Variants in RPLP0 observed in about 807,000 individuals in gnomAD.
RPLP0 encodes the protein ribosomal protein lateral stalk subunit P0, also known as large ribosomal subunit protein uL10.
For missense variants in RPLP0, 276 were observed against 402.9 expected (o/e 0.69, Z 2.70); for synonymous variants, 137 against 153.4 (o/e 0.89, Z 0.79).
intron 6 of RPLP0, among the ~76,000 whole-genome samples, chr12:120,197,960 A>T (rs1189524807): frequency 1.3e-5 from 2 of 151,812 alleles, no homozygotes; most frequent in Non-Finnish European, 2.9e-5. Flanking sequence ...ACAGAGTCTC[A>T]CTCTGTCACT....
chr12:120,197,495 T>C lies in RPLP0; in HGVS notation c.652-33A>G, dbSNP rs763708403. 9 of 1,604,274 alleles carry C rather than the reference T, an allele frequency of 5.6e-6. No individual in the cohort carries two copies. The Admixed American group carries it at 8.5e-5, about 15-fold the overall frequency. On this transcript the variant is annotated intron_variant, in intron 6 of 7. Coordinates refer to ENST00000392514, the MANE Select transcript of RPLP0 (RefSeq NM_001002.4). ...AGGGAAGATTTCATTTTACGTGAGA[T>C]TCCCTACAGGAAAGGAAGTCCAAGT... is the stretch of plus-strand genomic sequence containing the variant.
Position 120,196,862 on chromosome 12 carries a change from G to C in RPLP0, c.865C>G (p.Pro289Ala), listed in dbSNP as rs771610814. 2.2e-5 allele frequency: 36 copies of C among 1,611,380 alleles called. No homozygotes were observed. Among genetic ancestry groups the C allele is most frequent in the Non-Finnish European group, 3.1e-5 (36 of 1,178,990 alleles). The stretch of plus-strand genomic sequence containing the variant: ...TTAGCTGGGGCTGCAGCAGCAGCAG[G>C]AGCAGCTGTGGTGGCAGCAGCCACA... ...APVAAATTAAPAAAAAPAKVE... is the reference protein window; with the variant it reads ...APVAAATTAAAAAAAAPAKVE... The change falls in exon 8 of 8, where the codon CCT becomes GCT. Residue 289 changes from proline to alanine, a missense_variant. By Grantham distance (27) the Pro-to-Ala change is conservative (BLOSUM62 -1). Coordinates refer to ENST00000392514, the MANE Select transcript of RPLP0 (RefSeq NM_001002.4).
Position 120,198,439 on chromosome 12 carries a change from A to T in RPLP0, c.651+115T>A. The T allele has an allele frequency of 9.2e-7, 1 of 1,083,140 alleles. No homozygotes were observed. Among genetic ancestry groups the T allele is most frequent in the Non-Finnish European group, 1.4e-6 (1 of 734,302 alleles). 67.1% of individuals were successfully genotyped at this position (1,083,140 alleles called of 1,614,324 possible). On this transcript the variant is annotated intron_variant, in intron 6 of 7. Coordinates refer to ENST00000392514, the MANE Select transcript of RPLP0 (RefSeq NM_001002.4). The surrounding 1 kb of genome is among the most constrained non-coding windows in gnomAD (Gnocchi z 4.1). ...AATCTTATGTTGTTACTGACATTTT[A>T]CAGATGAGGTAGGTAGACAGATGAA...
At position 120,197,456 on chromosome 12, in the gene RPLP0, G is replaced by T. The variant is rs776880572; in HGVS notation, c.658C>A (p.Arg220Ser). The part of the protein sequence containing the change: ...TLHSRFLEGV[R>S]NVASVCLQIG... ...TGCAGACAGACACTGGCAACATTGC[G>T]GACACCCTGGGGGAGGGAAGATTTC... Residue 220 changes from arginine (R) to serine (S), a missense_variant, in exon 7 of 8, where the codon CGC becomes AGC. Arg to Ser is a moderately radical substitution (Grantham distance 110). Transcript: ENST00000392514. The T allele has an allele frequency of 6.2e-7, 1 of 1,613,850 alleles. No individual in the cohort carries two copies. Among genetic ancestry groups the T allele is most frequent in the Non-Finnish European group, 8.5e-7 (1 of 1,179,824 alleles).
rs138718343 is a variant in RPLP0, at chr12:120,198,695, G to A, written c.510C>T (p.Ser170=). The A allele has an allele frequency of 1.6e-4, 263 of 1,613,880 alleles. No individual in the cohort carries two copies. The highest frequency in any genetic ancestry group is 2.5e-4 in the Admixed American group (15 of 60,002). ...LIKTGDKVGA[S]EATLLNMLNI... Reference sequence around the variant, plus strand: ...TGAGCATGTTCAGCAGCGTGGCTTCGCTGGCTCCCACTTTGTCTCCAGTCT... The same window carrying A: ...TGAGCATGTTCAGCAGCGTGGCTTCACTGGCTCCCACTTTGTCTCCAGTCT... The change falls in exon 6 of 8, where the codon AGC becomes AGT. Residue 170 remains serine, a synonymous_variant. Transcript: ENST00000392514. This position sits in a 1 kb window ranked among gnomAD's most constrained non-coding sequence, Gnocchi z 4.1.
rs573378419 is a variant in RPLP0, at chr12:120,199,640, C to T, written c.55-155G>A. 4.3e-6 allele frequency: 3 copies of T among 689,870 alleles called. No individual in the cohort carries two copies. In the South Asian group the frequency reaches 5.8e-5, roughly 13 times the overall value. 42.7% of individuals were successfully genotyped at this position (689,870 alleles called of 1,614,324 possible). On this transcript the variant is annotated intron_variant, in intron 2 of 7. Transcript: ENST00000392514. Reference sequence around the variant, plus strand: ...ATTGGGAGCTACGTTGTAACACTGCCAAACTGGATGATTGGCTAGCTGGGT... The same window carrying T: ...ATTGGGAGCTACGTTGTAACACTGCTAAACTGGATGATTGGCTAGCTGGGT...
intron 1 of RPLP0, 54 bp downstream of exon 1, chr12:120,201,029 C>G (rs896045509): frequency 4.4e-5 from 22 of 503,466 alleles, no homozygotes; most frequent in Non-Finnish European, 7.3e-5. Flanking sequence ...CCCCAAAGAC[C>G]CCTCCATGCT....
At chr12:120,199,559 C>T in intron 2 of RPLP0, 74 bp from the exon 3 acceptor site, 2 of 1,470,148 alleles carry the variant, frequency 1.4e-6, no homozygotes, top group Non-Finnish European at 1.8e-6. Flanking sequence ...AAACTGAACC[C>T]CACAATTTGT....
chr12:120,200,646 G>A, intron 2 of RPLP0, 84 bp downstream of exon 2: 2 of 1,473,902 alleles, frequency 1.4e-6, no homozygotes, highest in Non-Finnish European at 1.9e-6. Context: ...GCCGGTGTGA[G>A]TAGACCCTCA....
In RPLP0 at chr12:120,197,337, G is replaced by A; in HGVS notation, c.777C>T (p.Phe259=). The A allele has an allele frequency of 6.2e-7, 1 of 1,613,846 alleles. No homozygotes were observed. The highest frequency in any genetic ancestry group is 8.5e-7 in the Non-Finnish European group (1 of 1,179,762). Reference sequence around the variant, plus strand: ...ATCCTTTTACCTTTTCAGCAAGTGGGAAGGTGTAATCCGTCTCCACAGACA... The same window carrying A: ...ATCCTTTTACCTTTTCAGCAAGTGGAAAGGTGTAATCCGTCTCCACAGACA... ...LALSVETDYT[F]PLAEKVKAFL... is the part of the protein sequence containing the mutation. Residue 259 remains phenylalanine, a synonymous_variant, in exon 7 of 8, where the codon TTC becomes TTT. Coordinates refer to ENST00000392514, the MANE Select transcript of RPLP0 (RefSeq NM_001002.4).
At chr12:120,199,655 G>A (rs2136127422) in intron 2 of RPLP0, 170 bp from the exon 3 acceptor site, 1 of 645,646 alleles carries the variant, frequency 1.5e-6, no homozygotes, top group Non-Finnish European at 2.6e-6. Context: ...TGGATGATTG[G>A]CTAGCTGGGT....
At position 120,197,469 on chromosome 12, in the gene RPLP0, G is replaced by A; in HGVS notation, c.652-7C>T. 6.2e-7 allele frequency: 1 copy of A among 1,613,676 alleles called. No homozygotes were observed. ...TGGCAACATTGCGGACACCCTGGGG[G>A]AGGGAAGATTTCATTTTACGTGAGA... is the stretch of plus-strand genomic sequence containing the variant. On this transcript the variant is annotated splice_region_variant and splice_polypyrimidine_tract_variant and intron_variant, in intron 6 of 7. Transcript: ENST00000392514.
intron 7 of RPLP0, 83 bp from the exon 8 acceptor site, chr12:120,197,017 G>A: frequency 6.3e-7 from 1 of 1,587,788 alleles, no homozygotes. Context: ...AGAGTTTAAG[G>A]ACCAACAATA....
rs959351265 is a variant in RPLP0 at position 120,199,118 on chromosome 12, C to A, written c.318G>T (p.Lys106Asn). 1 of 1,613,050 alleles carries A rather than the reference C, an allele frequency of 6.2e-7. No individual in the cohort carries two copies. The highest frequency in any genetic ancestry group is 8.5e-7 in the Non-Finnish European group (1 of 1,178,962). ...TEIRDMLLAN[K>N]VPAAARAGAI... ...TTAGCCAACCCAATTGTCCCCTTAC[C>A]TTATTGGCCAGCAACATGTCCCTGA... is the stretch of plus-strand genomic sequence containing the variant. The change falls in exon 4 of 8, where the codon AAG (lysine) becomes AAT (asparagine). Residue 106 changes from lysine (K) to asparagine (N), a missense_variant and splice_region_variant. Coordinates refer to ENST00000392514, the MANE Select transcript of RPLP0 (RefSeq NM_001002.4).
chr12:120,198,626 G>C lies in RPLP0; in HGVS notation c.579C>G (p.Phe193Leu). 8.7e-6 allele frequency: 14 copies of C among 1,613,996 alleles called. No individual in the cohort carries two copies. The highest frequency in any genetic ancestry group is 1.2e-5 in the Non-Finnish European group (14 of 1,180,030). Residue 193 changes from phenylalanine to leucine, a missense_variant, in exon 6 of 8, where the codon TTC (phenylalanine) becomes TTG (leucine). Transcript: ENST00000392514. This position sits in a 1 kb window ranked among gnomAD's most constrained non-coding sequence, Gnocchi z 4.1. ...CAGGGTTGTAGATGCTGCCATTGTC[G>C]AACACCTGCTGGATGACCAGCCCAA... ...FSFGLVIQQVFDNGSIYNPEV... is the reference protein window; with the variant it reads ...FSFGLVIQQVLDNGSIYNPEV...
At chr12:120,199,851 G>C (rs916356638) in intron 2 of RPLP0, 8 of 363,830 alleles carry the variant, frequency 2.2e-5, no homozygotes, top group South Asian at 1.7e-4. Flanking sequence ...AAAGCACCAC[G>C]TTAAGCAAAT....
At chr12:120,200,952 C>T (rs1879435023) in intron 1 of RPLP0, 121 bp from the exon 2 acceptor site, 4 of 1,268,704 alleles carry the variant, frequency 3.2e-6, no homozygotes, top group African/African-American at 3.0e-5. Context: ...CGGCCGTCAT[C>T]TCGGGGCGTG....
chr12:120,198,578 T>C lies in RPLP0; in HGVS notation c.627A>G (p.Glu209=), dbSNP rs775741386. Reference sequence around the variant, plus strand: ...CCTCCAGGAAGCGAGAATGCAGAGTTTCCTCTGTGATATCAAGCACTTCAG... The same window carrying C: ...CCTCCAGGAAGCGAGAATGCAGAGTCTCCTCTGTGATATCAAGCACTTCAG... ...YNPEVLDITE[E]TLHSRFLEGV... is the part of the protein sequence containing the mutation. Residue 209 remains glutamate (E), a synonymous_variant, in exon 6 of 8, where the codon GAA becomes GAG. Transcript: ENST00000392514. This position sits in a 1 kb window ranked among gnomAD's most constrained non-coding sequence, Gnocchi z 4.1. 9 of 1,613,924 alleles carry C rather than the reference T, an allele frequency of 5.6e-6. No homozygotes were observed. Among genetic ancestry groups the C allele is most frequent in the Non-Finnish European group, 7.6e-6 (9 of 1,180,018 alleles).
chr12:120,197,008 G>C, intron 7 of RPLP0, 74 bp from the exon 8 acceptor site: 1 of 1,596,496 alleles, frequency 6.3e-7, no homozygotes, highest in South Asian at 1.1e-5. Context: ...TGCCTTGGTA[G>C]AGTTTAAGGA....
Sources: gnomAD v4.1 joint callset for allele counts (sites outside exome capture counted in the v4.1 genomes callset) on GRCh38, gnomAD v4.1.1 for gene constraint, Gnocchi (gnomAD v3.1) non-coding constraint, MANE v1.5 for transcripts, NCBI Gene and HGNC (gene_info 2026-07-23, HGNC 2026-07-21) for gene names.